HS3ST5: variants seen among roughly 807,000 people sequenced by gnomAD.
The protein encoded by HS3ST5 is heparan sulfate glucosamine 3-O-sulfotransferase 5.
In HS3ST5, 10 loss-of-function variants were observed where a neutral mutation model predicts 25.4. That is an observed-to-expected ratio of 0.39 (90% confidence interval 0.24 to 0.67). The LOEUF (loss-of-function observed/expected upper bound fraction) is 0.67, where lower values mean the gene tolerates loss of function less well. Among genes scored for constraint, HS3ST5 ranks in the 30% least tolerant of loss-of-function variants. The pLI, the probability that HS3ST5 is intolerant of heterozygous loss-of-function variation, is 0.44. For missense variants in HS3ST5, 324 were observed against 420.7 expected (o/e 0.77, Z 2.01); for synonymous variants, 170 against 162.4 (o/e 1.05, Z -0.36).
At chr6:114,283,831 T>A (rs1317155692) in intron 1 of HS3ST5, among the ~76,000 whole-genome samples, 1 of 152,024 alleles carries the variant, frequency 6.6e-6, no homozygotes, top group East Asian at 1.9e-4. Context: ...AAAAAAATGA[T>A]ACATTTGCAA....
At chr6:114,266,496 T>G (rs9488361) in intron 1 of HS3ST5, among the ~76,000 whole-genome samples, 5,868 of 152,310 alleles carry the variant, frequency 0.039, 174 homozygotes, top group African/African-American at 0.083. Flanking sequence ...CAGTTGTCTG[T>G]TCATGAGAGA....
chr6:114,100,584 A>T (rs368314741), intron 3 of HS3ST5, among the ~76,000 whole-genome samples: 2 of 152,166 alleles, frequency 1.3e-5, no homozygotes, highest in South Asian at 2.1e-4. Context: ...TGCCGTTAAC[A>T]TACCATGTTT....
chr6:114,069,670 G>A (rs1000395884), intron 3 of HS3ST5, among the ~76,000 whole-genome samples: 2 of 151,628 alleles, frequency 1.3e-5, no homozygotes, highest in African/African-American at 2.4e-5. Context: ...GGCACACACC[G>A]CCATGCCCAG....
At chr6:114,200,216 TAAAAAC>T (rs528005213) in intron 2 of HS3ST5, among the ~76,000 whole-genome samples, 37 of 152,174 alleles carry the variant, frequency 2.4e-4, no homozygotes, top group South Asian at 2.1e-4. Context: ...AAACTTCAAC[TAAAAAC>T]AAAAACAAAA....
At chr6:114,306,333 A>G (rs1166900321) in intron 1 of HS3ST5, among the ~76,000 whole-genome samples, 1 of 148,902 alleles carries the variant, frequency 6.7e-6, no homozygotes, top group Non-Finnish European at 1.5e-5. Context: ...CTTAGGGGAC[A>G]TCTTTGGTCT....
chr6:114,274,035 G>C lies in HS3ST5; in HGVS notation c.-338-45257C>G, dbSNP rs565580960. Reference sequence around the variant, plus strand: ...CATTTTGATGGTGTAACATGAAGAGGGGAGAACTGGTGGAGTAGTTCTCAT... The same window carrying C: ...CATTTTGATGGTGTAACATGAAGAGCGGAGAACTGGTGGAGTAGTTCTCAT... On this transcript the variant is annotated intron_variant, in intron 1 of 4. Coordinates refer to ENST00000312719, the MANE Select transcript of HS3ST5 (RefSeq NM_153612.4). 2.9e-4 allele frequency among the ~76,000 whole-genome samples: 44 copies of C among 152,090 alleles called. 1 individual carries two copies. The East Asian group carries it at 6.6e-3, about 23-fold the overall frequency.
chr6:114,066,680 G>C (rs750257615), intron 3 of HS3ST5, among the ~76,000 whole-genome samples: 2 of 151,980 alleles, frequency 1.3e-5, no homozygotes, highest in Non-Finnish European at 2.9e-5. Context: ...TTAGAATAAA[G>C]TTATAAAGCT....
chr6:114,188,040 T>C (rs1780308787), intron 2 of HS3ST5, among the ~76,000 whole-genome samples: 1 of 152,340 alleles, frequency 6.6e-6, no homozygotes, highest in Non-Finnish European at 1.5e-5. Flanking sequence ...TAAACTTAAC[T>C]TTTATATGTA....
At chr6:114,115,782 C>CAGAT (rs1459892596) in intron 3 of HS3ST5, among the ~76,000 whole-genome samples, 1 of 151,874 alleles carries the variant, frequency 6.6e-6, no homozygotes, top group East Asian at 1.9e-4. Flanking sequence ...TGGTAAATGA[C>CAGAT]AGATAGAGTT....
intron 1 of HS3ST5, among the ~76,000 whole-genome samples, chr6:114,287,555 T>A (rs543863079): frequency 6.6e-6 from 1 of 152,090 alleles, no homozygotes; most frequent in Non-Finnish European, 1.5e-5. Context: ...TGTAACATAT[T>A]ACAAATATCT....
At chr6:114,103,960 C>T (rs1437260296) in intron 3 of HS3ST5, among the ~76,000 whole-genome samples, 1 of 151,308 alleles carries the variant, frequency 6.6e-6, no homozygotes, top group African/African-American at 2.4e-5. Flanking sequence ...CTCGGCCTCC[C>T]AAAGTGCTGG....
At chr6:114,299,045 GA>G (rs1270159444) in intron 1 of HS3ST5, among the ~76,000 whole-genome samples, 1 of 152,204 alleles carries the variant, frequency 6.6e-6, no homozygotes, top group African/African-American at 2.4e-5. Context: ...GAGCCGGGCG[GA>G]ACAGAGCCAT....
At chr6:114,143,069 T>C (rs914091468) in intron 3 of HS3ST5, 1 of 152,174 alleles carries the variant, frequency 6.6e-6, no homozygotes, top group African/African-American at 2.4e-5. Context: ...TCCAAAGTAC[T>C]TGTCACTCAT....
rs1582780490 is a variant in HS3ST5 at position 114,276,831 on chromosome 6, C to T, written c.-338-48053G>A. On this transcript the variant is annotated intron_variant, in intron 1 of 4. Coordinates refer to ENST00000312719, the MANE Select transcript of HS3ST5 (RefSeq NM_153612.4). ...TGTTCCTTTTTTCCTACTTGATCCA[C>T]ATAACCTACCTTGCATAAAATATTT... Among the ~76,000 whole-genome samples the T allele has an allele frequency of 7.2e-5, 11 of 151,950 alleles. 1 individual carries two copies. The South Asian group carries it at 2.3e-3, about 31-fold the overall frequency.
At chr6:114,138,346 A>G (rs1777739676) in intron 3 of HS3ST5, among the ~76,000 whole-genome samples, 1 of 152,206 alleles carries the variant, frequency 6.6e-6, no homozygotes, top group African/African-American at 2.4e-5. Context: ...AAAGATGTCT[A>G]CTATGGTACT....
At chr6:114,152,278 T>C (rs1364904607) in intron 3 of HS3ST5, among the ~76,000 whole-genome samples, 1 of 152,204 alleles carries the variant, frequency 6.6e-6, no homozygotes, top group Non-Finnish European at 1.5e-5. Flanking sequence ...AATATTAGCA[T>C]GCATTTTCTA....
intron 1 of HS3ST5, among the ~76,000 whole-genome samples, chr6:114,301,547 T>C (rs1775074598): frequency 6.6e-6 from 1 of 152,170 alleles, no homozygotes; most frequent in Non-Finnish European, 1.5e-5. Flanking sequence ...TTAAGGGATC[T>C]ACATCTGGAA....
chr6:114,282,449 C>G (rs1239572718), intron 1 of HS3ST5, among the ~76,000 whole-genome samples: 4 of 151,860 alleles, frequency 2.6e-5, no homozygotes, highest in African/African-American at 9.7e-5. Flanking sequence ...CAATGCTACC[C>G]CACAGCATCC....
intron 1 of HS3ST5, among the ~76,000 whole-genome samples, chr6:114,319,858 T>A (rs1173254104): frequency 1.3e-5 from 2 of 152,120 alleles, no homozygotes; most frequent in African/African-American, 4.8e-5. Flanking sequence ...TGATACTATT[T>A]TTTTGTTGTT....
Sources: allele counts gnomAD v4.1 joint callset (sites outside exome capture counted in the v4.1 genomes callset), GRCh38; gene constraint gnomAD v4.1.1; transcripts MANE v1.5; gene names NCBI Gene and HGNC (gene_info 2026-07-23, HGNC 2026-07-21).